Variants in LRIG1 observed in about 807,000 individuals in gnomAD.
LRIG1 encodes leucine-rich repeats and immunoglobulin-like domains protein 1.
Under a neutral mutation model 99.2 loss-of-function variants are expected in LRIG1, and 48 were observed. The ratio of observed to expected loss-of-function variants is 0.48; its 90% CI spans 0.38 to 0.62. The LOEUF (loss-of-function observed/expected upper bound fraction) is 0.62, where lower values mean the gene tolerates loss of function less well. Ranked by LOEUF, LRIG1 falls within the 20% of genes least tolerant of loss-of-function variation. LRIG1 has a pLI of 0.00. For missense variants in LRIG1, 1,646 were observed against 1,434.4 expected (o/e 1.15, Z -2.38); for synonymous variants, 772 against 596.1 (o/e 1.29, Z -4.30).
intron 1 of LRIG1, among the ~76,000 whole-genome samples, chr3:66,484,691 C>T (rs555623383): frequency 6.6e-6 from 1 of 152,106 alleles, no homozygotes; most frequent in Non-Finnish European, 1.5e-5. Flanking sequence ...GGCAGGTGGA[C>T]AGTAACAGCT....
intron 15 of LRIG1, 71 bp downstream of exon 15, chr3:66,382,911 C>A (rs1701165685): frequency 2.8e-6 from 4 of 1,432,252 alleles, no homozygotes; most frequent in Non-Finnish European, 3.8e-6. Context: ...GCCACTGGAA[C>A]CCGGCCCAGT....
At chr3:66,499,384 G>A (rs1701301643) in intron 1 of LRIG1, among the ~76,000 whole-genome samples, 1 of 152,180 alleles carries the variant, frequency 6.6e-6, no homozygotes, top group Non-Finnish European at 1.5e-5. Flanking sequence ...AAACTCATTT[G>A]CACCATTTAT....
At chr3:66,424,958 T>C (rs912798496) in intron 3 of LRIG1, among the ~76,000 whole-genome samples, 1 of 152,132 alleles carries the variant, frequency 6.6e-6, no homozygotes, top group Non-Finnish European at 1.5e-5. Context: ...CTAGGCTAGG[T>C]TGTGGTATTC....
chr3:66,445,623 G>A (rs1703691602), intron 3 of LRIG1, among the ~76,000 whole-genome samples: 1 of 152,154 alleles, frequency 6.6e-6, no homozygotes, highest in Admixed American at 6.5e-5. Context: ...AACTTTTAAA[G>A]ACAAATTCTT....
chr3:66,427,633 T>A (rs1703026940), intron 3 of LRIG1, among the ~76,000 whole-genome samples: 1 of 152,190 alleles, frequency 6.6e-6, no homozygotes, highest in Non-Finnish European at 1.5e-5. Flanking sequence ...GACCCTCATC[T>A]CTTAAAAAAA....
At position 66,473,846 on chromosome 3, in the gene LRIG1, G is replaced by A. The variant is rs138426398; in HGVS notation, c.219-11337C>T. Among the ~76,000 whole-genome samples, 4 of 152,170 alleles carry A rather than the reference G, an allele frequency of 2.6e-5. 1 individual carries two copies. The highest frequency in any genetic ancestry group is 4.1e-4 in the South Asian group (2 of 4,828). On this transcript the variant is annotated intron_variant, in intron 1 of 18. Coordinates refer to ENST00000273261, the MANE Select transcript of LRIG1 (RefSeq NM_015541.3). ...AGCTAGCTTATCGACTTGGGATCTC[G>A]TCCTGTTCACTTTTTCCACTGGGCT...
At chr3:66,434,755 TA>T (rs71616222) in intron 3 of LRIG1, among the ~76,000 whole-genome samples, 16,812 of 100,242 alleles carry the variant, frequency 0.17, 1,166 homozygotes, top group Admixed American at 0.27. Context: ...TCAAAAAAAT[TA>T]AAAAAAAAAA....
Position 66,500,299 on chromosome 3 carries a change from G to A in LRIG1, c.109C>T (p.Pro37Ser), listed in dbSNP as rs1463972800. The A allele has an allele frequency of 1.4e-6, 2 of 1,473,856 alleles. No homozygotes were observed. Among genetic ancestry groups the A allele is most frequent in the South Asian group, 1.3e-5 (1 of 77,380 alleles). The allele number at this position is 1,473,856 out of a possible 1,614,324, so 91.3% of individuals were successfully genotyped here. Residue 37 changes from proline to serine, a missense_variant, in exon 1 of 19, where the codon CCG becomes TCG. Pro to Ser is a moderately conservative substitution (Grantham distance 74, BLOSUM62 -1). Coordinates refer to ENST00000273261, the MANE Select transcript of LRIG1 (RefSeq NM_015541.3). ...RLEPVTAAAG[P>S]RAPCAAACTC... Reference sequence around the variant, plus strand: ...CAGGCGGCCGCGCAGGGCGCCCGCGGGCCGGCCGCGGCGGTCACCGGCTCC... The same window carrying A: ...CAGGCGGCCGCGCAGGGCGCCCGCGAGCCGGCCGCGGCGGTCACCGGCTCC...
chr3:66,419,539 G>A (rs1270521664), intron 3 of LRIG1, among the ~76,000 whole-genome samples: 1 of 152,118 alleles, frequency 6.6e-6, no homozygotes, highest in African/African-American at 2.4e-5. Context: ...TCTGAGGGTA[G>A]GATGCTGAGG....
chr3:66,456,192 A>T (rs1278870547), intron 2 of LRIG1, among the ~76,000 whole-genome samples: 1 of 152,226 alleles, frequency 6.6e-6, no homozygotes, highest in Non-Finnish European at 1.5e-5. Flanking sequence ...AATGTAAATA[A>T]TACAAGTGCC....
At chr3:66,490,031 T>C (rs1047158780) in intron 1 of LRIG1, among the ~76,000 whole-genome samples, 5 of 152,138 alleles carry the variant, frequency 3.3e-5, no homozygotes, top group African/African-American at 1.2e-4. Context: ...TATTTTAGGA[T>C]AGTAATGAAA....
chr3:66,443,611 G>A (rs764713489), intron 3 of LRIG1, among the ~76,000 whole-genome samples: 2 of 152,188 alleles, frequency 1.3e-5, no homozygotes, highest in East Asian at 3.9e-4. Context: ...GGGCAGTGAG[G>A]TGCCCCTTAG....
chr3:66,474,345 TTC>T (rs1491490964), intron 1 of LRIG1, among the ~76,000 whole-genome samples: 17 of 149,208 alleles, frequency 1.1e-4, no homozygotes, highest in African/African-American at 4.0e-4. Context: ...TCCATCTACG[TTC>T]TTTTTTTTTT....
chr3:66,446,403 C>CTTT (rs1178928806), intron 3 of LRIG1, among the ~76,000 whole-genome samples: 20 of 129,150 alleles, frequency 1.5e-4, no homozygotes, highest in African/African-American at 4.3e-4. Context: ...GCCCACCCGC[C>CTTT]TTTTTTTTTT....
chr3:66,488,311 G>C (rs557443435), intron 1 of LRIG1, among the ~76,000 whole-genome samples: 1 of 152,076 alleles, frequency 6.6e-6, no homozygotes, highest in Admixed American at 6.5e-5. Flanking sequence ...GCCAAAAACA[G>C]AGTCAGACTT....
intron 6 of LRIG1, among the ~76,000 whole-genome samples, 188 bp from the exon 7 acceptor site, chr3:66,410,460 C>G (rs945028840): frequency 1.3e-5 from 2 of 152,222 alleles, no homozygotes; most frequent in Non-Finnish European, 2.9e-5. Context: ...ACAGGCAAAT[C>G]AAAATGGATG....
intron 3 of LRIG1, among the ~76,000 whole-genome samples, chr3:66,446,177 A>G (rs1282277341): frequency 6.6e-6 from 1 of 152,008 alleles, no homozygotes; most frequent in Non-Finnish European, 1.5e-5. Context: ...ACTTTACTTC[A>G]CCAACAGATC....
At chr3:66,414,486 C>T (rs1702563274) in intron 5 of LRIG1, among the ~76,000 whole-genome samples, 1 of 152,102 alleles carries the variant, frequency 6.6e-6, no homozygotes, top group African/African-American at 2.4e-5. Flanking sequence ...TTGTCTTTTG[C>T]TTACTAACTC....
At chr3:66,458,563 G>A (rs1011055650) in intron 2 of LRIG1, among the ~76,000 whole-genome samples, 3 of 151,882 alleles carry the variant, frequency 2.0e-5, no homozygotes, top group East Asian at 1.9e-4. Flanking sequence ...TTAGCTGGGC[G>A]TGGTGGTGCA....
Sources: allele counts gnomAD v4.1 joint callset (sites outside exome capture counted in the v4.1 genomes callset), GRCh38; gene constraint gnomAD v4.1.1; transcripts MANE v1.5; gene names NCBI Gene and HGNC (gene_info 2026-07-23, HGNC 2026-07-21).